Variants in EPB41 observed in about 807,000 individuals in gnomAD.
EPB41 encodes erythrocyte membrane protein band 4.1.
EPB41 carries 65 observed loss-of-function variants against 108.0 expected under a neutral mutation model. The observed-to-expected ratio is 0.60, with a 90% confidence interval of 0.49 to 0.74. EPB41 has a LOEUF of 0.74. Among genes scored for constraint, EPB41 ranks in the 30% least tolerant of loss-of-function variants. The pLI, the probability that EPB41 is intolerant of heterozygous loss-of-function variation, is 0.00. For synonymous variants in EPB41, 336 were observed against 358.9 expected (o/e 0.94, Z 0.72); for missense variants, 875 against 1,037.0 (o/e 0.84, Z 2.15).
At chr1:29,056,316 A>G (rs1418866681) in intron 12 of EPB41, among the ~76,000 whole-genome samples, 1 of 152,098 alleles carries the variant, frequency 6.6e-6, no homozygotes, top group Non-Finnish European at 1.5e-5. Context: ...AGCCATATTT[A>G]TTATATAAAG....
At position 29,024,501 on chromosome 1, in the gene EPB41, C is replaced by T. The variant is rs1295616692; in HGVS notation, c.1125-5899C>T. Among the ~76,000 whole-genome samples, 3 of 151,486 alleles carry T rather than the reference C, an allele frequency of 2.0e-5. 1 individual carries two copies. The highest frequency in any genetic ancestry group is 6.6e-5 in the Admixed American group (1 of 15,210). On this transcript the variant is annotated intron_variant, in intron 7 of 20. Coordinates refer to ENST00000343067, the MANE Select transcript of EPB41 (RefSeq NM_001376013.1). ...ACAAAAAATTAGCCGGGCTTGGTGG[C>T]ACGCGCCTGTAATCCCAGCTACTCC...
At chr1:28,995,912 C>T (rs566618833) in intron 3 of EPB41, among the ~76,000 whole-genome samples, 15 of 152,030 alleles carry the variant, frequency 9.9e-5, no homozygotes, top group Non-Finnish European at 1.8e-4. Flanking sequence ...TTAAGACTGA[C>T]AATGAATGAA....
chr1:28,925,544 A>G (rs2093399336), intron 1 of EPB41, among the ~76,000 whole-genome samples: 1 of 152,082 alleles, frequency 6.6e-6, no homozygotes, highest in Non-Finnish European at 1.5e-5. Flanking sequence ...TGTACATTTT[A>G]GATAAGGGTG....
chr1:28,913,127 G>A (rs762970709), upstream of EPB41, among the ~76,000 whole-genome samples: 1 of 151,974 alleles, frequency 6.6e-6, no homozygotes, highest in African/African-American at 2.4e-5. Context: ...CAGCTACTTG[G>A]ACATATTATC....
rs144358933 is a variant in EPB41, at chr1:28,917,743, G to T, written c.-8+2975G>T. ...CTACAGACGTGCACCACCATGCCCA[G>T]CTTTTTTTTTTCGTTTTTAAAACAC... On this transcript the variant is annotated intron_variant, in intron 1 of 20. Coordinates refer to ENST00000343067, the MANE Select transcript of EPB41 (RefSeq NM_001376013.1). Among the ~76,000 whole-genome samples, 7 of 151,842 alleles carry T rather than the reference G, an allele frequency of 4.6e-5. No homozygotes were observed. The South Asian group carries it at 1.5e-3, about 32-fold the overall frequency.
At chr1:28,920,806 A>G (rs1448795948) in intron 1 of EPB41, among the ~76,000 whole-genome samples, 2 of 151,804 alleles carry the variant, frequency 1.3e-5, no homozygotes, top group South Asian at 2.1e-4. Flanking sequence ...CTGATTTTTT[A>G]TATTTTTAGA....
chr1:28,947,389 G>T (rs915319916), intron 1 of EPB41, among the ~76,000 whole-genome samples: 11 of 150,328 alleles, frequency 7.3e-5, no homozygotes, highest in Admixed American at 2.0e-4. Context: ...GTCTGGCGAC[G>T]GAGCGAGACT....
rs965089468 is a variant in EPB41 at position 29,115,497 on chromosome 1, G to A, written c.2497-202G>A. On this transcript the variant is annotated intron_variant, in intron 19 of 20. Transcript: ENST00000343067. This position sits in a 1 kb window ranked among gnomAD's most constrained non-coding sequence, Gnocchi z 4.4. ...CTAGAAGACAGCGCTAACCTTCCCT[G>A]TCCCTGTGTTATCAGTCCAGAAGCC... 5.9e-5 allele frequency among the ~76,000 whole-genome samples: 9 copies of A among 152,180 alleles called. No individual in the cohort carries two copies. Among genetic ancestry groups the A allele is most frequent in the African/African-American group, 2.2e-4 (9 of 41,444 alleles).
chr1:28,924,637 C>T (rs750591433), intron 1 of EPB41, among the ~76,000 whole-genome samples: 3 of 152,178 alleles, frequency 2.0e-5, no homozygotes, highest in Non-Finnish European at 2.9e-5. Context: ...TTTTAAGCCA[C>T]CATGTTTTGG....
intron 8 of EPB41, among the ~76,000 whole-genome samples, chr1:29,032,783 G>A (rs2096805858): frequency 1.3e-5 from 2 of 151,952 alleles, no homozygotes; most frequent in Non-Finnish European, 2.9e-5. Context: ...AGTTTATATA[G>A]GAATAGAGTC....
intron 12 of EPB41, among the ~76,000 whole-genome samples, chr1:29,058,194 G>A (rs1288061730): frequency 6.6e-6 from 1 of 152,070 alleles, no homozygotes; most frequent in Non-Finnish European, 1.5e-5. Flanking sequence ...GTTTTTAAAT[G>A]TTATTTAAAG....
chr1:29,069,481 T>C (rs1650204636), intron 16 of EPB41: 1 of 1,189,852 alleles, frequency 8.4e-7, no homozygotes, highest in African/African-American at 1.6e-5. Flanking sequence ...GGAGGGACAT[T>C]ATAAACTTTT....
intron 16 of EPB41, among the ~76,000 whole-genome samples, chr1:29,080,097 ATTATTTATTTATTTAT>A (rs33953606): frequency 2.7e-5 from 4 of 145,736 alleles, no homozygotes; most frequent in East Asian, 4.1e-4. Context: ...ATAAAGCAAC[ATTATTTATTTATTTAT>A]TTATTTATTT....
chr1:29,011,740 A>G, intron 4 of EPB41, 125 bp from the exon 5 acceptor site: 7 of 1,035,344 alleles, frequency 6.8e-6, no homozygotes, highest in Non-Finnish European at 1.0e-5. Flanking sequence ...TAATGCAAAG[A>G]CTATCAAAGG....
chr1:28,938,775 G>T (rs1402124288), intron 1 of EPB41, among the ~76,000 whole-genome samples: 1 of 151,954 alleles, frequency 6.6e-6, no homozygotes, highest in Non-Finnish European at 1.5e-5. Flanking sequence ...TCAAGTGCTA[G>T]GATTACAGGC....
intron 15 of EPB41, among the ~76,000 whole-genome samples, chr1:29,062,739 A>G (rs1054668656): frequency 2.7e-5 from 4 of 147,112 alleles, no homozygotes; most frequent in Non-Finnish European, 5.9e-5. Flanking sequence ...GGTCGAGTTC[A>G]TTTTTAGATC....
intron 1 of EPB41, among the ~76,000 whole-genome samples, chr1:28,925,653 A>G (rs1315117826): frequency 6.6e-6 from 1 of 152,168 alleles, no homozygotes; most frequent in Non-Finnish European, 1.5e-5. Context: ...AGAAGGAACA[A>G]AATGCACAAA....
intron 1 of EPB41, among the ~76,000 whole-genome samples, chr1:28,976,879 G>T (rs1030414683): frequency 6.6e-6 from 1 of 152,066 alleles, no homozygotes; most frequent in African/African-American, 2.4e-5. Flanking sequence ...TTGAGATGGA[G>T]TCTTACTCTT....
In EPB41 at chr1:29,018,188, T is replaced by G. The variant is rs759150121; in HGVS notation, c.906-36T>G. ...TTCTCTCTTTATATTTTGTTGTTGT[T>G]GTTGCTGACATAACATTTTTCTCTT... On this transcript the variant is annotated intron_variant, in intron 6 of 20. Coordinates refer to ENST00000343067, the MANE Select transcript of EPB41 (RefSeq NM_001376013.1). The surrounding 1 kb of genome is among the most constrained non-coding windows in gnomAD (Gnocchi z 4.4). The G allele has an allele frequency of 6.3e-7, 1 of 1,582,146 alleles. No homozygotes were observed. The highest frequency in any genetic ancestry group is 2.2e-5 in the East Asian group (1 of 44,762).
Sources: allele counts gnomAD v4.1 joint callset (sites outside exome capture counted in the v4.1 genomes callset), GRCh38; gene constraint gnomAD v4.1.1; non-coding constraint Gnocchi (gnomAD v3.1); transcripts MANE v1.5; gene names NCBI Gene and HGNC (gene_info 2026-07-23, HGNC 2026-07-21).